CELF5: variants seen among roughly 807,000 people sequenced by gnomAD.
The protein encoded by CELF5 is CUGBP Elav-like family member 5.
Under a neutral mutation model 54.9 loss-of-function variants are expected in CELF5, and 6 were observed. The ratio of observed to expected loss-of-function variants is 0.11; its 90% CI spans 0.06 to 0.22. The LOEUF (loss-of-function observed/expected upper bound fraction) is 0.22. CELF5 is among the 10% of genes least tolerant of loss of function. The probability of loss-of-function intolerance (pLI) is 1.00; values close to 1 mark genes in which losing one functional copy is unlikely to be tolerated. For missense variants in CELF5, 401 were observed against 678.6 expected (o/e 0.59, Z 4.54); for synonymous variants, 271 against 290.9 (o/e 0.93, Z 0.70).
At chr19:3,272,393 G>GAA (rs995616292) in intron 2 of CELF5, among the ~76,000 whole-genome samples, 17 of 151,316 alleles carry the variant, frequency 1.1e-4, no homozygotes, top group African/African-American at 3.9e-4. Flanking sequence ...AAAAAGAAAA[G>GAA]AAAAAAAAGA....
intron 1 of CELF5, among the ~76,000 whole-genome samples, chr19:3,235,494 A>G (rs796672691): frequency 1.2e-4 from 1 of 8,148 alleles, no homozygotes; most frequent in African/African-American, 4.1e-4. Context: ...GCGAGGATAG[A>G]TGGGTGGGTG....
chr19:3,261,036 C>T (rs1430260536), intron 2 of CELF5, among the ~76,000 whole-genome samples: 1 of 152,078 alleles, frequency 6.6e-6, no homozygotes, highest in Non-Finnish European at 1.5e-5. Context: ...AGTGTTGGGA[C>T]TACAGGTGTG....
Position 3,225,012 on chromosome 19 carries a change from C to A in CELF5, c.259+14C>A. Reference sequence around the variant, plus strand: ...GGATGCACAAAGGTGGGCGCCCGGCCCCCTCCCCCCTCTCCCCCTCCCTCC... The same window carrying A: ...GGATGCACAAAGGTGGGCGCCCGGCACCCTCCCCCCTCTCCCCCTCCCTCC... On this transcript the variant is annotated intron_variant, in intron 1 of 12. Transcript: ENST00000292672. 1 of 1,332,876 alleles carries A rather than the reference C, an allele frequency of 7.5e-7. No individual in the cohort carries two copies. The highest frequency in any genetic ancestry group is 1.0e-6 in the Non-Finnish European group (1 of 996,742). 82.6% of individuals were successfully genotyped at this position (1,332,876 alleles called of 1,614,324 possible). A position where few individuals can be genotyped will look rare whatever the true frequency, so the allele number is the denominator to read the frequency against.
At chr19:3,245,904 A>G (rs913297246) in intron 1 of CELF5, among the ~76,000 whole-genome samples, 4 of 152,218 alleles carry the variant, frequency 2.6e-5, no homozygotes, top group African/African-American at 9.6e-5. Flanking sequence ...AATGACTAAC[A>G]TTTAAAAGGT....
Position 3,273,733 on chromosome 19 carries a change from G to C in CELF5, c.343-139G>C. 6 of 657,054 alleles carry C rather than the reference G, an allele frequency of 9.1e-6. No homozygotes were observed. In the South Asian group the frequency reaches 1.1e-4, roughly 12 times the overall value. 40.7% of individuals were successfully genotyped at this position (657,054 alleles called of 1,614,324 possible). On this transcript the variant is annotated intron_variant, in intron 2 of 12. Coordinates refer to ENST00000292672, the MANE Select transcript of CELF5 (RefSeq NM_021938.4). ...GGACAGTGTGTAATTTCTTTGACTG[G>C]GGTGTTAGTTGGGTGGTGGGGTGCT...
intron 2 of CELF5, among the ~76,000 whole-genome samples, chr19:3,251,652 CTTTTTTTTTTTTTTTTT>C (rs1195812856): frequency 1.5e-5 from 1 of 67,110 alleles, no homozygotes; most frequent in Admixed American, 1.9e-4. Flanking sequence ...ACAAGGGCTT[CTTTTTTTTTTTTTTTTT>C]TTTTTGTTGT....
At chr19:3,263,634 G>T (rs1312729657) in intron 2 of CELF5, among the ~76,000 whole-genome samples, 3 of 152,230 alleles carry the variant, frequency 2.0e-5, no homozygotes, top group Middle Eastern at 3.4e-3. Context: ...GCCGGGCACG[G>T]TGGCTCACGC....
At chr19:3,249,170 C>T (rs552876925) in intron 1 of CELF5, among the ~76,000 whole-genome samples, 2 of 151,860 alleles carry the variant, frequency 1.3e-5, no homozygotes, top group African/African-American at 2.4e-5. Context: ...AGACCAGGGA[C>T]CATAGGGGGC....
rs1323834826 is a variant in CELF5, at chr19:3,228,975, G to A, written c.259+3977G>A. On this transcript the variant is annotated intron_variant, in intron 1 of 12. Transcript: ENST00000292672. The surrounding 1 kb of genome is among the most constrained non-coding windows in gnomAD (Gnocchi z 6.0). ...GGTGCTGTGTGGCTTCAAGCTGAGC[G>A]CGCCCCTCTCTGTGCCTCGTTTTCC... is the stretch of plus-strand genomic sequence containing the variant. 1.3e-5 allele frequency among the ~76,000 whole-genome samples: 2 copies of A among 151,826 alleles called. No homozygotes were observed. Among genetic ancestry groups the A allele is most frequent in the African/African-American group, 2.4e-5 (1 of 41,300 alleles).
chr19:3,266,191 C>T (rs183955875), intron 2 of CELF5, among the ~76,000 whole-genome samples: 9 of 152,266 alleles, frequency 5.9e-5, no homozygotes, highest in Admixed American at 2.6e-4. Context: ...GTCATTGGGT[C>T]ATTGCCATGG....
In CELF5 at chr19:3,290,386, CCGA is replaced by C; in HGVS notation, c.1330+15_1330+17del. 1 of 1,611,976 alleles carries C rather than the reference CCGA, an allele frequency of 6.2e-7. No individual in the cohort carries two copies. On this transcript the variant is annotated intron_variant, in intron 11 of 12. Coordinates refer to ENST00000292672, the MANE Select transcript of CELF5 (RefSeq NM_021938.4). ...GAGCAAGTGTTTCGGTGAGTGGCCG[CCGA>C]CGCCACCCCTCCCCATCCACCTCCC...
chr19:3,230,655 G>A (rs113992755), intron 1 of CELF5, among the ~76,000 whole-genome samples: 171 of 152,306 alleles, frequency 1.1e-3, no homozygotes, highest in African/African-American at 3.9e-3. Context: ...GAGGAACTCA[G>A]GCAGACCTGC....
intron 2 of CELF5, among the ~76,000 whole-genome samples, chr19:3,260,023 G>A (rs1482162730): frequency 1.3e-5 from 2 of 152,138 alleles, no homozygotes; most frequent in Non-Finnish European, 2.9e-5. Flanking sequence ...AAGTAAAAAA[G>A]AAACAGGTGA....
chr19:3,257,204 C>T (rs1406241323), intron 2 of CELF5, among the ~76,000 whole-genome samples: 3 of 152,286 alleles, frequency 2.0e-5, no homozygotes, highest in South Asian at 2.1e-4. Flanking sequence ...GCAGGAAGGG[C>T]GTTTCTGGCA....
chr19:3,293,521 C>T, intron 12 of CELF5, 35 bp downstream of exon 12: 1 of 1,546,652 alleles, frequency 6.5e-7, no homozygotes, highest in Non-Finnish European at 8.8e-7. Flanking sequence ...CCGCCCAAGC[C>T]CCCCGTCTTG....
chr19:3,289,642 A>G (rs2080309433), intron 10 of CELF5, among the ~76,000 whole-genome samples: 1 of 124,576 alleles, frequency 8.0e-6, no homozygotes, highest in East Asian at 3.0e-4. Context: ...AGATCGCACC[A>G]CTGCACTCCA....
chr19:3,272,122 A>C lies in CELF5; in HGVS notation c.343-1750A>C, dbSNP rs574091914. Among the ~76,000 whole-genome samples the C allele has an allele frequency of 6.6e-5, 10 of 152,244 alleles. 1 individual carries two copies. Among genetic ancestry groups the C allele is most frequent in the Admixed American group, 6.5e-5 (1 of 15,280 alleles). On this transcript the variant is annotated intron_variant, in intron 2 of 12. Coordinates refer to ENST00000292672, the MANE Select transcript of CELF5 (RefSeq NM_021938.4). Reference sequence around the variant, plus strand: ...GGGGCTCACGCCTGTAATCCCAGCAATTTGGGAGGCTGAGGTGGGCGGATC... The same window carrying C: ...GGGGCTCACGCCTGTAATCCCAGCACTTTGGGAGGCTGAGGTGGGCGGATC...
Position 3,284,972 on chromosome 19 carries a change from G to T in CELF5, c.1102+8G>T, listed in dbSNP as rs1292860034. 6.3e-7 allele frequency: 1 copy of T among 1,592,538 alleles called. No individual in the cohort carries two copies. Among genetic ancestry groups the T allele is most frequent in the African/African-American group, 1.3e-5 (1 of 74,610 alleles). On this transcript the variant is annotated splice_region_variant and intron_variant, in intron 9 of 12. Coordinates refer to ENST00000292672, the MANE Select transcript of CELF5 (RefSeq NM_021938.4). ...GAGTCCAGCAGTACACAGGTAGGAGGCAGCCCGCGTGCCCGCGCTGGGCCC... is the reference window on the plus strand; with the variant it reads ...GAGTCCAGCAGTACACAGGTAGGAGTCAGCCCGCGTGCCCGCGCTGGGCCC...
intron 8 of CELF5, among the ~76,000 whole-genome samples, chr19:3,284,343 C>T (rs1015173717): frequency 2.0e-5 from 3 of 152,196 alleles, no homozygotes; most frequent in Non-Finnish European, 4.4e-5. Flanking sequence ...CCCTGCCCTC[C>T]AGCACACTCT....
Sources: allele counts gnomAD v4.1 joint callset (sites outside exome capture counted in the v4.1 genomes callset), GRCh38; gene constraint gnomAD v4.1.1; non-coding constraint Gnocchi (gnomAD v3.1); transcripts MANE v1.5; gene names NCBI Gene and HGNC (gene_info 2026-07-23, HGNC 2026-07-21).